Variants in MTUS2 observed in about 807,000 individuals in gnomAD.
The protein encoded by MTUS2 is microtubule associated scaffold protein 2.
Under a neutral mutation model 114.1 loss-of-function variants are expected in MTUS2, and 40 were observed. The observed-to-expected ratio is 0.35, with a 90% CI of 0.27 to 0.46. MTUS2 has a LOEUF of 0.46. Among genes scored for constraint, MTUS2 ranks in the 20% least tolerant of loss-of-function variants. The probability of loss-of-function intolerance (pLI) is 1.00; values close to 1 mark genes in which losing one functional copy is unlikely to be tolerated. For missense variants in MTUS2, 1,679 were observed against 1,705.4 expected (o/e 0.98, Z 0.27); for synonymous variants, 688 against 672.0 (o/e 1.02, Z -0.37).
At chr13:28,972,101 T>A (rs1883884525) in intron 2 of MTUS2, among the ~76,000 whole-genome samples, 1 of 152,180 alleles carries the variant, frequency 6.6e-6, no homozygotes. Context: ...GCAGAACAAC[T>A]ATTGAGGAGA....
At chr13:29,389,279 A>G (rs1467799746) in intron 8 of MTUS2, among the ~76,000 whole-genome samples, 1 of 149,950 alleles carries the variant, frequency 6.7e-6, no homozygotes, top group East Asian at 1.9e-4. Flanking sequence ...ATATGTATAT[A>G]TGTATACACA....
At chr13:29,173,098 T>G (rs888491524) in intron 5 of MTUS2, among the ~76,000 whole-genome samples, 3 of 152,146 alleles carry the variant, frequency 2.0e-5, no homozygotes, top group African/African-American at 7.2e-5. Flanking sequence ...TGCACCTGCT[T>G]TTTTTATTGT....
At chr13:29,019,276 G>A (rs542242702) in intron 2 of MTUS2, among the ~76,000 whole-genome samples, 1 of 152,106 alleles carries the variant, frequency 6.6e-6, no homozygotes. Context: ...CATTGTGGAA[G>A]CATTGCGGGA....
chr13:29,038,767 T>C (rs2138542885), intron 4 of MTUS2, among the ~76,000 whole-genome samples: 1 of 152,376 alleles, frequency 6.6e-6, no homozygotes, highest in African/African-American at 2.4e-5. Context: ...AGAGAGGCAG[T>C]CTGGTTACAG....
chr13:29,337,397 A>T (rs1199732034), intron 7 of MTUS2, among the ~76,000 whole-genome samples: 3 of 151,848 alleles, frequency 2.0e-5, no homozygotes, highest in Non-Finnish European at 4.4e-5. Flanking sequence ...TGGCTAGGGG[A>T]GGGAGTTCTT....
intron 10 of MTUS2, among the ~76,000 whole-genome samples, chr13:29,481,864 T>C (rs1593496895): frequency 6.6e-6 from 1 of 152,146 alleles, no homozygotes; most frequent in African/African-American, 2.4e-5. Flanking sequence ...TGAAACAGAA[T>C]AGGTTACAGC....
chr13:29,445,597 A>G (rs1878220264), intron 9 of MTUS2, among the ~76,000 whole-genome samples: 1 of 152,124 alleles, frequency 6.6e-6, no homozygotes, highest in African/African-American at 2.4e-5. Context: ...AAGCCCGTTG[A>G]ATCATGTTCA....
chr13:29,450,290 A>G (rs1817037595), intron 9 of MTUS2, among the ~76,000 whole-genome samples: 1 of 152,084 alleles, frequency 6.6e-6, no homozygotes, highest in African/African-American at 2.4e-5. Flanking sequence ...TTTTATTACT[A>G]TGGAAGAAGG....
At chr13:28,978,237 T>C (rs1884204717) in intron 2 of MTUS2, among the ~76,000 whole-genome samples, 1 of 152,170 alleles carries the variant, frequency 6.6e-6, no homozygotes, top group South Asian at 2.1e-4. Flanking sequence ...TGGTGAAAAA[T>C]TTCCCCCTAG....
intron 8 of MTUS2, among the ~76,000 whole-genome samples, chr13:29,371,229 CT>C (rs1161149275): frequency 1.6e-4 from 21 of 132,064 alleles, no homozygotes; most frequent in African/African-American, 4.9e-4. Flanking sequence ...CCCCCCCCCC[CT>C]TTTTTGAGAT....
At chr13:28,933,162 C>G (rs867567148) in intron 2 of MTUS2, among the ~76,000 whole-genome samples, 84 of 127,202 alleles carry the variant, frequency 6.6e-4, no homozygotes, top group South Asian at 3.1e-3. Context: ...CACACACACA[C>G]AGATTGATTG....
intron 8 of MTUS2, among the ~76,000 whole-genome samples, chr13:29,436,622 G>A (rs1439840597): frequency 6.6e-6 from 1 of 152,146 alleles, no homozygotes; most frequent in African/African-American, 2.4e-5. Flanking sequence ...AATGACTATA[G>A]TTTGGAACTG....
chr13:29,038,884 C>T (rs1887207338), intron 4 of MTUS2, among the ~76,000 whole-genome samples: 1 of 152,240 alleles, frequency 6.6e-6, no homozygotes, highest in Admixed American at 6.5e-5. Flanking sequence ...ATTGCCCCTC[C>T]CTCACCAAGC....
rs552177447 is a variant in MTUS2 at position 29,232,059 on chromosome 13, G to T, written c.2645-49645G>T. 1.7e-4 allele frequency among the ~76,000 whole-genome samples: 26 copies of T among 152,244 alleles called. No homozygotes were observed. In the East Asian group the frequency reaches 4.2e-3, roughly 25 times the overall value. On this transcript the variant is annotated intron_variant, in intron 5 of 15. Transcript: ENST00000612955. ...TACATTTGGCCTAAGAGTTGTATAG[G>T]CAGTGGAGACTGTGGCAAAGGAATA...
At chr13:29,053,229 T>C (rs1286254678) in intron 4 of MTUS2, among the ~76,000 whole-genome samples, 1 of 152,184 alleles carries the variant, frequency 6.6e-6, no homozygotes, top group Non-Finnish European at 1.5e-5. Context: ...CCAACAAGCC[T>C]GTGAGATTGT....
At chr13:28,973,353 G>T (rs1361619763) in intron 2 of MTUS2, among the ~76,000 whole-genome samples, 1 of 152,108 alleles carries the variant, frequency 6.6e-6, no homozygotes, top group Non-Finnish European at 1.5e-5. Flanking sequence ...GGTAAGTTTT[G>T]TTTAGTTAAA....
chr13:29,193,462 G>T (rs750108790), intron 5 of MTUS2, among the ~76,000 whole-genome samples: 1 of 152,146 alleles, frequency 6.6e-6, no homozygotes, highest in African/African-American at 2.4e-5. Flanking sequence ...AACAGACAGA[G>T]AGGCAAATCA....
At chr13:28,976,137 G>A (rs988800994) in intron 2 of MTUS2, among the ~76,000 whole-genome samples, 6 of 147,758 alleles carry the variant, frequency 4.1e-5, no homozygotes, top group Admixed American at 2.7e-4. Context: ...TTGGGAGGTC[G>A]AGGCAGCAGT....
intron 9 of MTUS2, among the ~76,000 whole-genome samples, chr13:29,475,963 C>G (rs1020808596): frequency 7.9e-5 from 12 of 152,218 alleles, no homozygotes; most frequent in Non-Finnish European, 1.6e-4. Context: ...TCATCATTCA[C>G]TGACTTACCC....
Sources: allele counts gnomAD v4.1 joint callset (sites outside exome capture counted in the v4.1 genomes callset), GRCh38; gene constraint gnomAD v4.1.1; transcripts MANE v1.5; gene names NCBI Gene and HGNC (gene_info 2026-07-23, HGNC 2026-07-21).